Variants in OSBPL6 observed in about 807,000 individuals in gnomAD.
The protein encoded by OSBPL6 is oxysterol binding protein like 6.
A neutral mutation model predicts 125.8 loss-of-function variants in OSBPL6; 49 were observed. That is an observed-to-expected ratio of 0.39 (90% CI 0.31 to 0.49). The LOEUF is 0.49. Ranked by LOEUF, OSBPL6 falls within the 20% of genes least tolerant of loss-of-function variation. OSBPL6 has a pLI of 0.88. For missense variants in OSBPL6, 986 were observed against 1,135.4 expected (o/e 0.87, Z 1.89); for synonymous variants, 394 against 391.8 (o/e 1.01, Z -0.07).
At chr2:178,196,949 T>C (rs2088934801) in intron 1 of OSBPL6, among the ~76,000 whole-genome samples, 1 of 152,330 alleles carries the variant, frequency 6.6e-6, no homozygotes, top group Admixed American at 6.5e-5. Context: ...TATGTAGTTG[T>C]AGTTCACTGA....
chr2:178,366,427 A>G (rs1004617103), intron 13 of OSBPL6, among the ~76,000 whole-genome samples: 1 of 152,240 alleles, frequency 6.6e-6, no homozygotes, highest in African/African-American at 2.4e-5. Context: ...ATAACGGAAT[A>G]TGACCCATCT....
At chr2:178,261,942 T>C (rs973393973) in intron 1 of OSBPL6, among the ~76,000 whole-genome samples, 20 of 152,310 alleles carry the variant, frequency 1.3e-4, no homozygotes, top group Admixed American at 2.6e-4. Context: ...TTTTCCTTTA[T>C]AGTCAGATGA....
intron 2 of OSBPL6, among the ~76,000 whole-genome samples, chr2:178,292,667 A>G (rs1345136434): frequency 1.3e-5 from 2 of 152,154 alleles, no homozygotes; most frequent in Non-Finnish European, 2.9e-5. Context: ...AGCAAAGTCT[A>G]TTGAGTGTCC....
intron 1 of OSBPL6, among the ~76,000 whole-genome samples, chr2:178,266,407 G>GTGAAATCCTGTGGCATT (rs1218382569): frequency 6.6e-6 from 1 of 152,110 alleles, no homozygotes; most frequent in Non-Finnish European, 1.5e-5. Flanking sequence ...AGGATGGAAA[G>GTGAAATCCTGTGGCATT]TGAAATCCTG....
intron 1 of OSBPL6, among the ~76,000 whole-genome samples, chr2:178,255,415 A>C (rs1476807952): frequency 2.0e-5 from 3 of 152,268 alleles, no homozygotes; most frequent in Non-Finnish European, 2.9e-5. Flanking sequence ...TATCACGAGA[A>C]CAGCATGGGA....
At chr2:178,391,951 G>A (rs180902739) in intron 22 of OSBPL6, among the ~76,000 whole-genome samples, 20 of 152,292 alleles carry the variant, frequency 1.3e-4, no homozygotes, top group Admixed American at 7.2e-4. Flanking sequence ...CTCGGGATAC[G>A]TCAATGAGCA....
In OSBPL6 at chr2:178,350,351, G is replaced by A. The variant is rs547251539; in HGVS notation, c.1153+962G>A. 2.9e-3 allele frequency among the ~76,000 whole-genome samples: 439 copies of A among 152,184 alleles called. 3 individuals are homozygous for A. The highest frequency in any genetic ancestry group is 1.0e-2 in the African/African-American group (414 of 41,526). On this transcript the variant is annotated intron_variant, in intron 12 of 24. Transcript: ENST00000190611. Reference sequence around the variant, plus strand: ...TTCTTAAGATAGTATCTTCTCAGGCGTTGTCTTTTAAAATCTTCTAGAGAG... The same window carrying A: ...TTCTTAAGATAGTATCTTCTCAGGCATTGTCTTTTAAAATCTTCTAGAGAG...
chr2:178,253,676 T>C (rs1357599764), intron 1 of OSBPL6, among the ~76,000 whole-genome samples: 1 of 152,326 alleles, frequency 6.6e-6, no homozygotes, highest in Non-Finnish European at 1.5e-5. Flanking sequence ...CAAAAGTGAA[T>C]ATAACAATAT....
intron 1 of OSBPL6, among the ~76,000 whole-genome samples, chr2:178,279,851 C>T (rs1422274680): frequency 6.6e-6 from 1 of 152,100 alleles, no homozygotes. Context: ...TGGACTTCTG[C>T]CCTGCATGCA....
In OSBPL6 at chr2:178,382,362, TC is replaced by T. The variant is rs1351599573; in HGVS notation, c.1534-57del. 8.6e-5 allele frequency: 132 copies of T among 1,532,044 alleles called. 1 individual carries two copies. In the East Asian group the frequency reaches 2.9e-3, roughly 34 times the overall value. 94.9% of individuals were successfully genotyped at this position (1,532,044 alleles called of 1,614,324 possible). ...TTTGTTATTTTTAATCATTTGATTA[TC>T]TGAGCTTGCAAAACTGAACAAGAAT... On this transcript the variant is annotated intron_variant, in intron 15 of 24. Coordinates refer to ENST00000190611, the MANE Select transcript of OSBPL6 (RefSeq NM_032523.4).
At chr2:178,218,308 G>A (rs577500827) in intron 1 of OSBPL6, among the ~76,000 whole-genome samples, 152 of 151,776 alleles carry the variant, frequency 1.0e-3, no homozygotes, top group African/African-American at 3.3e-3. Context: ...GTCCTCAGAT[G>A]TAAATTCAGG....
intron 1 of OSBPL6, among the ~76,000 whole-genome samples, chr2:178,198,116 G>A (rs2089013404): frequency 5.3e-5 from 8 of 152,190 alleles, no homozygotes; most frequent in Admixed American, 5.2e-4. Context: ...GATAGGTGGG[G>A]ACTACCAGGA....
At chr2:178,277,059 A>G (rs1296412571) in intron 1 of OSBPL6, among the ~76,000 whole-genome samples, 3 of 152,232 alleles carry the variant, frequency 2.0e-5, no homozygotes, top group Non-Finnish European at 4.4e-5. Flanking sequence ...GGATTGCACA[A>G]AATCTAAAAT....
chr2:178,325,604 TA>T (rs56236851), intron 4 of OSBPL6, among the ~76,000 whole-genome samples: 25,917 of 152,040 alleles, frequency 0.17, 2,526 homozygotes, highest in Admixed American at 0.31. Context: ...AGAGAACAAA[TA>T]AATAAAAGGG....
intron 8 of OSBPL6, among the ~76,000 whole-genome samples, chr2:178,333,447 T>C (rs767372561): frequency 7.9e-5 from 12 of 152,048 alleles, no homozygotes; most frequent in Admixed American, 1.3e-4. Flanking sequence ...TGAGTCTCAT[T>C]TGGGAAAACC....
intron 1 of OSBPL6, among the ~76,000 whole-genome samples, chr2:178,200,246 CCTTTTT>C (rs2089170962): frequency 7.5e-6 from 1 of 133,600 alleles, no homozygotes; most frequent in Admixed American, 7.3e-5. Flanking sequence ...TTTCTTCAGA[CCTTTTT>C]TTTTTTTTTT....
intron 1 of OSBPL6, among the ~76,000 whole-genome samples, chr2:178,262,614 G>A (rs2092098763): frequency 6.6e-6 from 1 of 152,196 alleles, no homozygotes; most frequent in Non-Finnish European, 1.5e-5. Context: ...GAAATGCAGT[G>A]TGACAAGAGC....
At chr2:178,337,779 A>AG (rs1416057590) in intron 9 of OSBPL6, among the ~76,000 whole-genome samples, 6 of 152,296 alleles carry the variant, frequency 3.9e-5, no homozygotes, top group Non-Finnish European at 5.9e-5. Context: ...TGTTAGAAAA[A>AG]GGGTGATGGT....
intron 7 of OSBPL6, 58 bp downstream of exon 7, chr2:178,332,812 C>A: frequency 6.2e-7 from 1 of 1,600,720 alleles, no homozygotes; most frequent in Non-Finnish European, 8.6e-7. Context: ...TTTGCCTACA[C>A]CAGTGGTAGG....
Sources: allele counts gnomAD v4.1 joint callset (sites outside exome capture counted in the v4.1 genomes callset), GRCh38; gene constraint gnomAD v4.1.1; transcripts MANE v1.5; gene names NCBI Gene and HGNC (gene_info 2026-07-23, HGNC 2026-07-21).